Variants in CCSER2 observed in about 807,000 individuals in gnomAD.
CCSER2 encodes the protein serine-rich coiled-coil domain-containing protein 2.
A neutral mutation model predicts 92.3 loss-of-function variants in CCSER2; 46 were observed. That is an observed-to-expected ratio of 0.50 (90% CI 0.39 to 0.64). The LOEUF (loss-of-function observed/expected upper bound fraction) is 0.64, where lower values mean the gene tolerates loss of function less well. Among genes scored for constraint, CCSER2 ranks in the 30% least tolerant of loss-of-function variants. CCSER2 has a pLI of 0.00. For synonymous variants in CCSER2, 433 were observed against 431.4 expected, an observed-to-expected ratio of 1.00 and a Z score of -0.04; for missense variants, 1,244 against 1,238.9, an observed-to-expected ratio of 1.00 and a Z score of -0.06.
intron 9 of CCSER2, among the ~76,000 whole-genome samples, chr10:84,509,235 G>C (rs1849225540): frequency 6.6e-6 from 1 of 151,970 alleles, no homozygotes; most frequent in Non-Finnish European, 1.5e-5. Flanking sequence ...CTTCATCATT[G>C]ACCTAAATCA....
chr10:84,350,676 G>T (rs192796318), intron 1 of CCSER2, among the ~76,000 whole-genome samples: 174 of 152,232 alleles, frequency 1.1e-3, no homozygotes, highest in Non-Finnish European at 1.9e-3. Flanking sequence ...GAATAATTTT[G>T]ATAGTTTGAA....
At chr10:84,429,968 T>G (rs1843674247) in intron 5 of CCSER2, among the ~76,000 whole-genome samples, 1 of 152,152 alleles carries the variant, frequency 6.6e-6, no homozygotes, top group Non-Finnish European at 1.5e-5. Flanking sequence ...GTTTACTGAC[T>G]TTTCTAGACA....
intron 5 of CCSER2, among the ~76,000 whole-genome samples, chr10:84,431,285 A>G (rs1421728699): frequency 1.3e-5 from 2 of 151,648 alleles, no homozygotes; most frequent in African/African-American, 2.4e-5. Context: ...CTTTTCCTGA[A>G]CTCCTGGTAA....
intron 9 of CCSER2, among the ~76,000 whole-genome samples, chr10:84,505,243 A>G (rs947994564): frequency 6.6e-6 from 1 of 152,146 alleles, no homozygotes; most frequent in Non-Finnish European, 1.5e-5. Flanking sequence ...TCTATTGGGC[A>G]TTAATGTCGT....
At chr10:84,365,998 G>A (rs1845757549) in intron 1 of CCSER2, among the ~76,000 whole-genome samples, 1 of 152,200 alleles carries the variant, frequency 6.6e-6, no homozygotes, top group African/African-American at 2.4e-5. Flanking sequence ...TGTCTGGCAT[G>A]GATATTGCCA....
At chr10:84,379,511 C>G (rs1840778496) in intron 3 of CCSER2, among the ~76,000 whole-genome samples, 1 of 152,070 alleles carries the variant, frequency 6.6e-6, no homozygotes, top group Non-Finnish European at 1.5e-5. Flanking sequence ...TAGCCTTTCT[C>G]CCTTCTCTGG....
chr10:84,479,583 T>C (rs1415003137), intron 9 of CCSER2, among the ~76,000 whole-genome samples: 1 of 152,168 alleles, frequency 6.6e-6, no homozygotes, highest in East Asian at 1.9e-4. Context: ...TCAGCAGATA[T>C]TTATGTGCCT....
intron 8 of CCSER2, among the ~76,000 whole-genome samples, chr10:84,476,684 C>G (rs1847168879): frequency 6.6e-6 from 1 of 152,004 alleles, no homozygotes; most frequent in Non-Finnish European, 1.5e-5. Context: ...ACCTCGTGAT[C>G]CGCCCGCCTC....
At chr10:84,329,122 C>G (rs1469712927) in intron 1 of CCSER2, among the ~76,000 whole-genome samples, 1 of 152,098 alleles carries the variant, frequency 6.6e-6, no homozygotes, top group Non-Finnish European at 1.5e-5. Flanking sequence ...GATTTCGGAG[C>G]CTGGTTGCGT....
intron 9 of CCSER2, among the ~76,000 whole-genome samples, chr10:84,492,183 G>A (rs1014609505): frequency 4.0e-5 from 6 of 151,868 alleles, no homozygotes; most frequent in African/African-American, 1.5e-4. Context: ...GGAGGCTGAG[G>A]CAGGAGAATG....
At chr10:84,440,228 G>A (rs1844442115) in intron 6 of CCSER2, among the ~76,000 whole-genome samples, 1 of 152,040 alleles carries the variant, frequency 6.6e-6, no homozygotes, top group Admixed American at 6.6e-5. Context: ...CTGTCATTAT[G>A]GCCTCTGAAC....
chr10:84,438,347 C>T (rs956613843), intron 5 of CCSER2, among the ~76,000 whole-genome samples, 165 bp from the exon 6 acceptor site: 6 of 152,142 alleles, frequency 3.9e-5, no homozygotes, highest in Non-Finnish European at 7.3e-5. Flanking sequence ...CAGCTGATTG[C>T]GCCTTTTGTG....
At chr10:84,413,106 ATTTTTTTTT>A (rs200646710) in intron 3 of CCSER2, among the ~76,000 whole-genome samples, 1 of 133,422 alleles carries the variant, frequency 7.5e-6, no homozygotes, top group South Asian at 2.3e-4. Flanking sequence ...GGATTCATTG[ATTTTTTTTT>A]TTTTTTTGAA....
At chr10:84,422,781 G>A (rs1356560457) in intron 4 of CCSER2, among the ~76,000 whole-genome samples, 1 of 152,110 alleles carries the variant, frequency 6.6e-6, no homozygotes, top group African/African-American at 2.4e-5. Flanking sequence ...TGGGTCAGGG[G>A]CGGTGGCTCA....
chr10:84,490,229 C>G (rs1848074180), intron 9 of CCSER2, among the ~76,000 whole-genome samples: 1 of 152,118 alleles, frequency 6.6e-6, no homozygotes, highest in Non-Finnish European at 1.5e-5. Context: ...TGGAGTTGCT[C>G]TTCTCGAGGA....
intron 6 of CCSER2, among the ~76,000 whole-genome samples, chr10:84,446,849 A>G (rs78745698): frequency 2.6e-5 from 4 of 152,004 alleles, no homozygotes; most frequent in African/African-American, 4.8e-5. Flanking sequence ...TTAACTTTAT[A>G]TAAGTGAAAT....
chr10:84,377,342 C>G (rs1846392187), intron 3 of CCSER2, among the ~76,000 whole-genome samples: 1 of 152,118 alleles, frequency 6.6e-6, no homozygotes, highest in Admixed American at 6.6e-5. Context: ...CTGTAGGTCT[C>G]TAGTCCCCAT....
chr10:84,386,488 A>C (rs1212656007), intron 3 of CCSER2, among the ~76,000 whole-genome samples: 2 of 152,202 alleles, frequency 1.3e-5, no homozygotes, highest in Non-Finnish European at 2.9e-5. Context: ...AGGCTGAGGC[A>C]GGCGGATCAC....
chr10:84,492,356 T>C (rs764672827), intron 9 of CCSER2, among the ~76,000 whole-genome samples: 3 of 152,076 alleles, frequency 2.0e-5, no homozygotes, highest in African/African-American at 4.8e-5. Flanking sequence ...AACTCACTTA[T>C]AAGTTTGGAG....
Sources: gnomAD v4.1 joint callset for allele counts (sites outside exome capture counted in the v4.1 genomes callset) on GRCh38, gnomAD v4.1.1 for gene constraint, MANE v1.5 for transcripts, NCBI Gene and HGNC (gene_info 2026-07-23, HGNC 2026-07-21) for gene names.